The following GABRA4 variants were observed in gnomAD, a reference collection of about 807,000 sequenced individuals.
GABRA4 encodes the protein gamma-aminobutyric acid receptor subunit alpha-4.
Under a neutral mutation model 49.7 loss-of-function variants are expected in GABRA4, and 12 were observed. The ratio of observed to expected loss-of-function variants is 0.24; its 90% confidence interval spans 0.15 to 0.39. GABRA4 has a LOEUF of 0.39. GABRA4 is among the 10% of genes least tolerant of loss of function. The pLI is 1.00. For synonymous variants in GABRA4, 288 were observed against 240.2 expected (o/e 1.20, Z -1.84); for missense variants, 506 against 686.0 (o/e 0.74, Z 2.93).
rs2109924879 is a variant in GABRA4, at chr4:46,919,111, C to T, written c.*9114G>A. The T allele has an allele frequency of 6.6e-6, 1 of 151,568 alleles. No homozygotes were observed. Among genetic ancestry groups the T allele is most frequent in the South Asian group, 2.1e-4 (1 of 4,818 alleles). 9.4% of individuals were successfully genotyped at this position (151,568 alleles called of 1,614,324 possible). A position where few individuals can be genotyped will look rare whatever the true frequency, so the allele number is the denominator to read the frequency against. ...AGAAATTGAGACCTGAATAATTCTA[C>T]AATGCTATGCTCTAGTATAAACTTT... On this transcript the variant is annotated 3_prime_UTR_variant, in exon 9 of 9. Transcript: ENST00000264318.
rs981649031 is a variant in GABRA4 at position 46,920,660 on chromosome 4, A to G, written c.*7565T>C. The G allele has an allele frequency of 2.0e-5, 3 of 151,694 alleles. No homozygotes were observed. The highest frequency in any genetic ancestry group is 1.3e-4 in the Admixed American group (2 of 15,204). 9.4% of individuals were successfully genotyped at this position (151,694 alleles called of 1,614,324 possible). A position where few individuals can be genotyped will look rare whatever the true frequency, so the allele number is the denominator to read the frequency against. On this transcript the variant is annotated 3_prime_UTR_variant, in exon 9 of 9. Coordinates refer to ENST00000264318, the MANE Select transcript of GABRA4 (RefSeq NM_000809.4). ...CACCATTTGTTTATCCTCTCTGATC[A>G]CACACACTCACACCAAAATTCCAAT...
intron 8 of GABRA4, among the ~76,000 whole-genome samples, chr4:46,957,815 T>C (rs542391312): frequency 5.9e-4 from 89 of 152,088 alleles, no homozygotes; most frequent in Middle Eastern, 3.4e-3. Flanking sequence ...GATCATTAAC[T>C]AATAATTTAC....
chr4:46,964,947 T>C lies in GABRA4; in HGVS notation c.1134+23A>G, dbSNP rs754584600. 3 of 1,545,858 alleles carry C rather than the reference T, an allele frequency of 1.9e-6. No individual in the cohort carries two copies. In the Admixed American group the frequency reaches 6.1e-5, roughly 31 times the overall value. ...TGACCAAGAAGCTAAAATCTTAAAC[T>C]GAAGGTGGATTAAGTCAAATACCTG... On this transcript the variant is annotated intron_variant, in intron 8 of 8. Coordinates refer to ENST00000264318, the MANE Select transcript of GABRA4 (RefSeq NM_000809.4).
intron 8 of GABRA4, among the ~76,000 whole-genome samples, chr4:46,939,401 C>G (rs1311126235): frequency 1.3e-5 from 2 of 151,992 alleles, no homozygotes; most frequent in Non-Finnish European, 2.9e-5. Context: ...AGGGTTTTCA[C>G]AAATAACCTC....
At chr4:46,993,221 T>C (rs763377061) in intron 1 of GABRA4, 118 bp downstream of exon 1, 1 of 915,022 alleles carries the variant, frequency 1.1e-6, no homozygotes, top group Non-Finnish European at 1.8e-6. Flanking sequence ...CCCCTGCTCT[T>C]ACAGCTGAGA....
At position 46,921,148 on chromosome 4, in the gene GABRA4, G is replaced by A. The variant is rs189596342; in HGVS notation, c.*7077C>T. The A allele has an allele frequency of 1.3e-4, 19 of 150,194 alleles. No individual in the cohort carries two copies. The East Asian group carries it at 3.1e-3, about 25-fold the overall frequency. 9.3% of individuals were successfully genotyped at this position (150,194 alleles called of 1,614,324 possible). ...ATGGGTATTTCTTTTTTTTTTTAAC[G>A]GAAGTAATTAGTGGTAGAGAAAAGC... On this transcript the variant is annotated 3_prime_UTR_variant, in exon 9 of 9. Coordinates refer to ENST00000264318, the MANE Select transcript of GABRA4 (RefSeq NM_000809.4).
chr4:46,926,516 T>C lies in GABRA4; in HGVS notation c.*1709A>G, dbSNP rs1429750010. 1.3e-5 allele frequency: 2 copies of C among 151,934 alleles called. No individual in the cohort carries two copies. The highest frequency in any genetic ancestry group is 2.9e-5 in the Non-Finnish European group (2 of 67,908). The allele number at this position is 151,934 out of a possible 1,614,324, so 9.4% of individuals were successfully genotyped here. On this transcript the variant is annotated 3_prime_UTR_variant, in exon 9 of 9. Transcript: ENST00000264318. ...AATTTTCAGGTATCAAAAACAACCA[T>C]TATAAGGTAGTGCAATATCTGAAAA...
chr4:46,936,403 C>A (rs1194218744), intron 8 of GABRA4, among the ~76,000 whole-genome samples: 1 of 152,156 alleles, frequency 6.6e-6, no homozygotes, highest in African/African-American at 2.4e-5. Flanking sequence ...GCATGTGCCA[C>A]CACACCCGGC....
At chr4:46,968,825 T>A (rs1337905402) in intron 7 of GABRA4, among the ~76,000 whole-genome samples, 1 of 151,564 alleles carries the variant, frequency 6.6e-6, no homozygotes, top group Non-Finnish European at 1.5e-5. Flanking sequence ...CCTGTCATGT[T>A]GTAATCAATC....
intron 2 of GABRA4, among the ~76,000 whole-genome samples, chr4:46,981,703 A>C (rs900476931): frequency 9.2e-5 from 14 of 152,158 alleles, no homozygotes; most frequent in Non-Finnish European, 1.6e-4. Context: ...CAGTAGTAAA[A>C]AGATAAACTA....
At chr4:46,957,271 A>G (rs1374291404) in intron 8 of GABRA4, among the ~76,000 whole-genome samples, 1 of 24,706 alleles carries the variant, frequency 4.0e-5, no homozygotes. Flanking sequence ...TTGACTTTGA[A>G]GGATAAATAC....
chr4:46,920,475 A>AT lies in GABRA4; in HGVS notation c.*7749dup. 1 of 151,724 alleles carries AT rather than the reference A, an allele frequency of 6.6e-6. No homozygotes were observed. 9.4% of individuals were successfully genotyped at this position (151,724 alleles called of 1,614,324 possible). On this transcript the variant is annotated 3_prime_UTR_variant, in exon 9 of 9. Transcript: ENST00000264318. ...AAATATTAAACGAGTTCAGCAAAAT[A>AT]TTTTATTAAAGAGATGATGTATATG...
intron 8 of GABRA4, among the ~76,000 whole-genome samples, chr4:46,956,982 G>A (rs1031265017): frequency 5.9e-5 from 9 of 151,956 alleles, no homozygotes; most frequent in African/African-American, 2.2e-4. Flanking sequence ...AAACAATTAA[G>A]CAAAATGCCA....
chr4:46,965,031 G>T lies in GABRA4; in HGVS notation c.1073C>A (p.Pro358His). 1 of 1,611,796 alleles carries T rather than the reference G, an allele frequency of 6.2e-7. No homozygotes were observed. Among genetic ancestry groups the T allele is most frequent in the Middle Eastern group, 1.7e-4 (1 of 6,044 alleles). ...TGGAGCAGCGGGAACTTCCTGAGGGGGCTTTGATGTCTTCCTTTTGGCTTT... is the reference window on the plus strand; with the variant it reads ...TGGAGCAGCGGGAACTTCCTGAGGGTGCTTTGATGTCTTCCTTTTGGCTTT... ...MEKAKRKTSK[P>H]PQEVPAAPVQ... The change falls in exon 8 of 9, where the codon CCC becomes CAC. Residue 358 changes from proline to histidine, a missense_variant. Physicochemically the swap from Pro to His is moderately conservative, Grantham distance 77. Around this residue, in one of 5 missense-constraint regions of GABRA4, gnomAD observed 243 missense variants for 210.8 expected, o/e 1.15. Transcript: ENST00000264318.
intron 3 of GABRA4, among the ~76,000 whole-genome samples, chr4:46,978,176 A>G (rs1723210753): frequency 6.6e-6 from 1 of 152,100 alleles, no homozygotes; most frequent in Non-Finnish European, 1.5e-5. Context: ...TATTTAATAT[A>G]AGAGAGCACA....
chr4:46,947,861 G>A (rs1398175), intron 8 of GABRA4, among the ~76,000 whole-genome samples: 1 of 151,878 alleles, frequency 6.6e-6, no homozygotes, highest in Non-Finnish European at 1.5e-5. Flanking sequence ...TCTCTCAAGG[G>A]TTTGGAGGCT....
In GABRA4 at chr4:46,990,929, A is replaced by G. The variant is rs972200952; in HGVS notation, c.205+1899T>C. ...CGGCGCGGCTCACGCCTATAATCCC[A>G]GCACTTTGGGAGGCCAAGAAGGGTG... On this transcript the variant is annotated intron_variant, in intron 2 of 8. Coordinates refer to ENST00000264318, the MANE Select transcript of GABRA4 (RefSeq NM_000809.4). 3.3e-5 allele frequency among the ~76,000 whole-genome samples: 5 copies of G among 152,246 alleles called. No homozygotes were observed. The East Asian group carries it at 5.8e-4, about 18-fold the overall frequency.
chr4:46,959,035 T>C (rs1469104866), intron 8 of GABRA4, among the ~76,000 whole-genome samples: 1 of 151,994 alleles, frequency 6.6e-6, no homozygotes, highest in Non-Finnish European at 1.5e-5. Context: ...CTACTGAAAT[T>C]CAAAACTTAT....
chr4:46,992,274 A>C (rs980302171), intron 2 of GABRA4, among the ~76,000 whole-genome samples: 2 of 152,230 alleles, frequency 1.3e-5, no homozygotes, highest in Non-Finnish European at 2.9e-5. Context: ...CAAATGACAC[A>C]TCACCAAAAA....
Sources: allele counts gnomAD v4.1 joint callset (sites outside exome capture counted in the v4.1 genomes callset), GRCh38; gene constraint gnomAD v4.1.1; regional missense constraint gnomAD v4.1.1; transcripts MANE v1.5; gene names NCBI Gene and HGNC (gene_info 2026-07-23, HGNC 2026-07-21).